UBE2G2: variants seen among roughly 807,000 people sequenced by gnomAD.
UBE2G2 encodes ubiquitin conjugating enzyme E2 G2.
Under a neutral mutation model 23.0 loss-of-function variants are expected in UBE2G2, and 10 were observed. The observed-to-expected ratio is 0.43, with a 90% confidence interval of 0.27 to 0.74. UBE2G2 has a LOEUF of 0.74. UBE2G2 is among the 30% of genes least tolerant of loss of function. The pLI, the probability that UBE2G2 is intolerant of heterozygous loss-of-function variation, is 0.19. For missense variants in UBE2G2, 150 were observed against 218.3 expected, an observed-to-expected ratio of 0.69 and a Z score of 1.97; for synonymous variants, 86 against 81.3, an observed-to-expected ratio of 1.06 and a Z score of -0.31.
At position 44,768,746 on chromosome 21, in the gene UBE2G2, G is replaced by A. The variant is rs577393585; in HGVS notation, c.*2631C>T. On this transcript the variant is annotated 3_prime_UTR_variant, in exon 6 of 6. Transcript: ENST00000345496. Reference sequence around the variant, plus strand: ...GAAGCGCAGTCGGAACAGCCTGCTGGCTTCTAGTGGTCAAATGTGCCACTC... The same window carrying A: ...GAAGCGCAGTCGGAACAGCCTGCTGACTTCTAGTGGTCAAATGTGCCACTC... 6.6e-6 allele frequency: 1 copy of A among 152,358 alleles called. No homozygotes were observed. Among genetic ancestry groups the A allele is most frequent in the Admixed American group, 6.5e-5 (1 of 15,306 alleles). The allele number at this position is 152,358 out of a possible 1,614,324, so 9.4% of individuals were successfully genotyped here.
intron 3 of UBE2G2, among the ~76,000 whole-genome samples, chr21:44,779,479 C>T (rs1439384435): frequency 1.3e-5 from 2 of 151,740 alleles, no homozygotes; most frequent in African/African-American, 4.9e-5. Context: ...ACAACAGCCG[C>T]GCTGGAGAGG....
At chr21:44,801,677 C>G (rs781980796) in intron 1 of UBE2G2, 29 bp downstream of exon 1, 1 of 1,507,572 alleles carries the variant, frequency 6.6e-7, no homozygotes, top group South Asian at 1.3e-5. Flanking sequence ...ACGCGGGACG[C>G]TGCTGACGGC....
At chr21:44,800,826 C>G (rs1335418031) in intron 1 of UBE2G2, 1 of 152,220 alleles carries the variant, frequency 6.6e-6, no homozygotes, top group Non-Finnish European at 1.5e-5. Flanking sequence ...ACAAAAGCAG[C>G]AGCTAACTTT....
chr21:44,788,811 GA>G (rs565990702), intron 1 of UBE2G2, among the ~76,000 whole-genome samples: 160 of 137,358 alleles, frequency 1.2e-3, no homozygotes, highest in South Asian at 8.9e-3. Context: ...CAAACATACA[GA>G]AAAAAAAAAA....
Position 44,771,616 on chromosome 21 carries a change from T to C in UBE2G2, c.386-127A>G, listed in dbSNP as rs2146380974. 1.0e-6 allele frequency: 1 copy of C among 992,540 alleles called. No homozygotes were observed. The highest frequency in any genetic ancestry group is 1.5e-6 in the Non-Finnish European group (1 of 657,180). 61.5% of individuals were successfully genotyped at this position (992,540 alleles called of 1,614,324 possible). Reference sequence around the variant, plus strand: ...AGCTGTGTCCCAGAAACAAAGAACCTGAGAACTGCATGGGGTCGGCCCCAC... The same window carrying C: ...AGCTGTGTCCCAGAAACAAAGAACCCGAGAACTGCATGGGGTCGGCCCCAC... On this transcript the variant is annotated intron_variant, in intron 5 of 5. Transcript: ENST00000345496. This position sits in a 1 kb window ranked among gnomAD's most constrained non-coding sequence, Gnocchi z 4.6.
chr21:44,771,233 A>AAAAAAAGCCTGTTTGAAGT lies in UBE2G2; in HGVS notation c.*143_*144insACTTCAAACAGGCTTTTTT. Reference sequence around the variant, plus strand: ...GAAGAGAAGCCTGTTTGAAGTAGGAAAGGTTTGAAAAAAAAAAAAGATGCC... The same window carrying AAAAAAAGCCTGTTTGAAGT: ...GAAGAGAAGCCTGTTTGAAGTAGGAAAAAAAAGCCTGTTTGAAGTAGGTTTGAAAAAAAAAAAAGATGCC... On this transcript the variant is annotated 3_prime_UTR_variant, in exon 6 of 6. Transcript: ENST00000345496. This position sits in a 1 kb window ranked among gnomAD's most constrained non-coding sequence, Gnocchi z 4.6. 1.5e-6 allele frequency: 1 copy of AAAAAAAGCCTGTTTGAAGT among 683,864 alleles called. No homozygotes were observed. The highest frequency in any genetic ancestry group is 2.5e-6 in the Non-Finnish European group (1 of 406,790). The allele number at this position is 683,864 out of a possible 1,614,324, so 42.4% of individuals were successfully genotyped here. A position where few individuals can be genotyped will look rare whatever the true frequency, so the allele number is the denominator to read the frequency against.
At chr21:44,785,215 T>A (rs2082986116) in intron 3 of UBE2G2, among the ~76,000 whole-genome samples, 1 of 152,250 alleles carries the variant, frequency 6.6e-6, no homozygotes, top group Non-Finnish European at 1.5e-5. Context: ...ACAGCCACGG[T>A]GGCCACATCC....
intron 4 of UBE2G2, 130 bp from the exon 5 acceptor site, chr21:44,773,817 G>A (rs1555960244): frequency 1.5e-6 from 2 of 1,290,768 alleles, no homozygotes; most frequent in Non-Finnish European, 2.1e-6. Flanking sequence ...CACAGCTGGG[G>A]CATAGCCTGG....
At chr21:44,780,407 C>T (rs1353633742) in intron 3 of UBE2G2, among the ~76,000 whole-genome samples, 5 of 152,238 alleles carry the variant, frequency 3.3e-5, no homozygotes, top group African/African-American at 1.2e-4. Context: ...ACTTCTCTTT[C>T]ACCGAAGATG....
Position 44,770,192 on chromosome 21 carries a change from G to A in UBE2G2, c.*1185C>T, listed in dbSNP as rs1555959653. On this transcript the variant is annotated 3_prime_UTR_variant, in exon 6 of 6. Coordinates refer to ENST00000345496, the MANE Select transcript of UBE2G2 (RefSeq NM_003343.6). ...ATTTTGAGTTGCAAAGAATGATTTT[G>A]TGCTAATAAATTCCCAGTGCATCCA... 3.3e-5 allele frequency: 5 copies of A among 152,090 alleles called. No homozygotes were observed. Among genetic ancestry groups the A allele is most frequent in the African/African-American group, 2.4e-5 (1 of 41,396 alleles). The allele number at this position is 152,090 out of a possible 1,614,324, so 9.4% of individuals were successfully genotyped here.
chr21:44,788,172 AAT>A, intron 1 of UBE2G2, 77 bp from the exon 2 acceptor site: 1 of 1,379,540 alleles, frequency 7.2e-7, no homozygotes. Flanking sequence ...ACCTTTACAA[AAT>A]ATATAAGCCT....
chr21:44,801,730 T>C lies in UBE2G2; in HGVS notation c.19A>G (p.Lys7Glu). MAGTAL[K>E]RLMAEYKQLT... is the part of the protein sequence containing the mutation. ...CGTTTGTACTCGGCCATCAGCCTCT[T>C]GAGCGCGGTCCCCGCCATGGCCCCG... The change falls in exon 1 of 6, where the codon AAG (lysine) becomes GAG (glutamate). Residue 7 changes from lysine (K) to glutamate (E), a missense_variant. Lys to Glu is a moderately conservative substitution (Grantham distance 56, BLOSUM62 1). Transcript: ENST00000345496. The C allele has an allele frequency of 3.3e-6, 5 of 1,522,042 alleles. No individual in the cohort carries two copies. The highest frequency in any genetic ancestry group is 4.4e-6 in the Non-Finnish European group (5 of 1,136,684). The allele number at this position is 1,522,042 out of a possible 1,614,324, so 94.3% of individuals were successfully genotyped here.
At chr21:44,774,490 T>TA (rs2082898829) in intron 4 of UBE2G2, 1 of 243,344 alleles carries the variant, frequency 4.1e-6, no homozygotes, top group Non-Finnish European at 8.2e-6. Flanking sequence ...AATTTTAAAA[T>TA]ACATTTATTT....
At chr21:44,797,906 C>T (rs797040316) in intron 1 of UBE2G2, among the ~76,000 whole-genome samples, 4 of 152,248 alleles carry the variant, frequency 2.6e-5, no homozygotes, top group African/African-American at 9.6e-5. Context: ...TAGTCCCCCA[C>T]ATCCAACCCT....
chr21:44,800,619 C>T (rs2083128176), intron 1 of UBE2G2: 1 of 152,130 alleles, frequency 6.6e-6, no homozygotes, highest in African/African-American at 2.4e-5. Flanking sequence ...CCTCCAGATA[C>T]CAAGGGAAGA....
intron 1 of UBE2G2, among the ~76,000 whole-genome samples, chr21:44,796,668 CAAT>C (rs1555963855): frequency 6.6e-6 from 1 of 152,208 alleles, no homozygotes; most frequent in East Asian, 1.9e-4. Flanking sequence ...TGATTTAAAA[CAAT>C]ACTCATTGAT....
intron 3 of UBE2G2, among the ~76,000 whole-genome samples, chr21:44,783,418 G>T (rs1299109800): frequency 6.6e-6 from 1 of 152,198 alleles, no homozygotes; most frequent in Non-Finnish European, 1.5e-5. Flanking sequence ...TCTATATCTG[G>T]TCTAGAGAAA....
At position 44,772,419 on chromosome 21, in the gene UBE2G2, A is replaced by G. The variant is rs1351303762; in HGVS notation, c.386-930T>C. On this transcript the variant is annotated intron_variant, in intron 5 of 5. Coordinates refer to ENST00000345496, the MANE Select transcript of UBE2G2 (RefSeq NM_003343.6). The surrounding 1 kb of genome is among the most constrained non-coding windows in gnomAD (Gnocchi z 5.4). ...CTGCAGAGAATAGCTGAGTGGCCTC[A>G]CTCTGGCATCGACCCCTGGCCCTCT... 1.3e-5 allele frequency among the ~76,000 whole-genome samples: 2 copies of G among 151,786 alleles called. No homozygotes were observed. The highest frequency in any genetic ancestry group is 2.9e-5 in the Non-Finnish European group (2 of 67,938).
At chr21:44,789,925 G>A (rs1201280836) in intron 1 of UBE2G2, among the ~76,000 whole-genome samples, 1 of 152,026 alleles carries the variant, frequency 6.6e-6, no homozygotes, top group Non-Finnish European at 1.5e-5. Context: ...ACAAGGAGAA[G>A]ACAGTCATCT....
Sources: allele counts gnomAD v4.1 joint callset (sites outside exome capture counted in the v4.1 genomes callset), GRCh38; gene constraint gnomAD v4.1.1; non-coding constraint Gnocchi (gnomAD v3.1); transcripts MANE v1.5; gene names NCBI Gene and HGNC (gene_info 2026-07-23, HGNC 2026-07-21).